EIF4E3: variants seen among roughly 807,000 people sequenced by gnomAD.
The protein encoded by EIF4E3 is eukaryotic translation initiation factor 4E family member 3.
Under a neutral mutation model 31.7 loss-of-function variants are expected in EIF4E3, and 26 were observed. The observed-to-expected ratio is 0.82, with a 90% CI of 0.60 to 1.14. The LOEUF (loss-of-function observed/expected upper bound fraction) is 1.14. Ranked by LOEUF, EIF4E3 falls within the 50% of genes most tolerant of loss-of-function variation. EIF4E3 has a pLI of 0.00. For synonymous variants in EIF4E3, 128 were observed against 107.7 expected (o/e 1.19, Z -1.17); for missense variants, 304 against 270.9 (o/e 1.12, Z -0.86).
intron 4 of EIF4E3, among the ~76,000 whole-genome samples, chr3:71,696,118 G>A (rs915790018): frequency 3.3e-5 from 5 of 152,176 alleles, no homozygotes; most frequent in Admixed American, 6.5e-5. Context: ...TCCTGCTTCC[G>A]ACTTTGTAAA....
chr3:71,689,635 G>A (rs963415751), intron 6 of EIF4E3, among the ~76,000 whole-genome samples: 1 of 152,126 alleles, frequency 6.6e-6, no homozygotes, highest in African/African-American at 2.4e-5. Flanking sequence ...TCCTGTTTAT[G>A]AAGGGATGAT....
intron 1 of EIF4E3, among the ~76,000 whole-genome samples, chr3:71,714,323 A>AC (rs1553664755): frequency 3.3e-5 from 5 of 150,684 alleles, no homozygotes; most frequent in African/African-American, 1.2e-4. Flanking sequence ...AGGAAAGGAA[A>AC]GAAAGAAAGA....
chr3:71,714,142 G>A (rs1156403374), intron 1 of EIF4E3, among the ~76,000 whole-genome samples: 1 of 151,960 alleles, frequency 6.6e-6, no homozygotes, highest in African/African-American at 2.4e-5. Context: ...AACCTGGGAG[G>A]CGGAGGTTGC....
At chr3:71,689,938 G>T in intron 6 of EIF4E3, 72 bp downstream of exon 6, 1 of 1,338,616 alleles carries the variant, frequency 7.5e-7, no homozygotes, top group Non-Finnish European at 9.7e-7. Context: ...CACCACATTT[G>T]CAAAACAGTT....
At chr3:71,704,479 G>C (rs937569683) in intron 2 of EIF4E3, among the ~76,000 whole-genome samples, 3 of 152,216 alleles carry the variant, frequency 2.0e-5, no homozygotes, top group Non-Finnish European at 4.4e-5. Context: ...TTCTGGCCGG[G>C]AGGGCCTGCC....
chr3:71,665,381 T>C, the EIF4E3 span, among the ~76,000 whole-genome samples: 1 of 152,202 alleles, frequency 6.6e-6, no homozygotes, highest in Non-Finnish European at 1.5e-5. Flanking sequence ...CACTGACAGG[T>C]TGCACATGGG....
At chr3:71,722,116 G>A (rs545288579) in intron 1 of EIF4E3, among the ~76,000 whole-genome samples, 1 of 151,598 alleles carries the variant, frequency 6.6e-6, no homozygotes, top group South Asian at 2.1e-4. Context: ...GTGGGAGGTG[G>A]TTACAGATGA....
chr3:71,702,365 T>C (rs189939968), intron 2 of EIF4E3, among the ~76,000 whole-genome samples: 5 of 152,154 alleles, frequency 3.3e-5, no homozygotes, highest in Admixed American at 2.0e-4. Flanking sequence ...AAACTTCAAG[T>C]CTCCTCAAAG....
chr3:71,667,025 T>C, the EIF4E3 span, among the ~76,000 whole-genome samples: 1 of 152,156 alleles, frequency 6.6e-6, no homozygotes, highest in Non-Finnish European at 1.5e-5. Context: ...GCAAACCGAA[T>C]GCAGCAGCAC....
In EIF4E3 at chr3:71,681,697, T is replaced by C. The variant is rs768431761; in HGVS notation, c.*2985A>G. 5 of 152,206 alleles carry C rather than the reference T, an allele frequency of 3.3e-5. No homozygotes were observed. Among genetic ancestry groups the C allele is most frequent in the Non-Finnish European group, 7.3e-5 (5 of 68,040 alleles). The allele number at this position is 152,206 out of a possible 1,614,324, so 9.4% of individuals were successfully genotyped here. On this transcript the variant is annotated 3_prime_UTR_variant, in exon 7 of 7. Coordinates refer to ENST00000425534, the MANE Select transcript of EIF4E3 (RefSeq NM_001134651.2). ...TCTGTGGCTGGCTAGCCCTACGTCTTTAACAAGGGACAAGTTCGGCCAAGG... is the reference window on the plus strand; with the variant it reads ...TCTGTGGCTGGCTAGCCCTACGTCTCTAACAAGGGACAAGTTCGGCCAAGG...
downstream of EIF4E3, among the ~76,000 whole-genome samples, chr3:71,673,424 A>C (rs532332746): frequency 6.6e-6 from 1 of 152,302 alleles, no homozygotes; most frequent in African/African-American, 2.4e-5. Flanking sequence ...AGCACCAACA[A>C]ATTATAAACA....
intron 4 of EIF4E3, 113 bp downstream of exon 4, chr3:71,696,347 C>G: frequency 9.1e-7 from 1 of 1,103,838 alleles, no homozygotes. Flanking sequence ...CACCCCCAGC[C>G]TGTTTGGGGA....
chr3:71,686,904 T>C lies in EIF4E3; in HGVS notation c.629-2176A>G, dbSNP rs564902649. Among the ~76,000 whole-genome samples, 74 of 152,288 alleles carry C rather than the reference T, an allele frequency of 4.9e-4. 1 individual carries two copies. Among genetic ancestry groups the C allele is most frequent in the African/African-American group, 1.8e-3 (73 of 41,570 alleles). The stretch of plus-strand genomic sequence containing the variant: ...CCTTGGGTAGAAAGGGATTATAGAA[T>C]TGCTCTAAGCCTGGAGTTGGCAAAC... On this transcript the variant is annotated intron_variant, in intron 6 of 6. Transcript: ENST00000425534.
upstream of EIF4E3, among the ~76,000 whole-genome samples, chr3:71,730,207 C>T (rs1377936536): frequency 2.0e-5 from 3 of 152,098 alleles, no homozygotes; most frequent in African/African-American, 7.2e-5. Context: ...GGGGAGGCTG[C>T]GGTGTGGTTC....
intron 1 of EIF4E3, among the ~76,000 whole-genome samples, chr3:71,746,093 A>C (rs1454859344): frequency 6.6e-6 from 1 of 152,148 alleles, no homozygotes; most frequent in African/African-American, 2.4e-5. Flanking sequence ...ATTTTCTTTC[A>C]ATTATATATT....
chr3:71,726,017 G>A (rs913747201), upstream of EIF4E3, among the ~76,000 whole-genome samples: 4 of 152,136 alleles, frequency 2.6e-5, no homozygotes, highest in Non-Finnish European at 5.9e-5. Flanking sequence ...CAGAACAAAG[G>A]GCGAGAAAGA....
downstream of EIF4E3, among the ~76,000 whole-genome samples, chr3:71,672,194 G>A (rs1227645278): frequency 6.6e-6 from 1 of 151,976 alleles, no homozygotes; most frequent in Admixed American, 6.6e-5. Context: ...TTAACCAAAC[G>A]TGGGCTCTCT....
At chr3:71,726,476 C>G (rs921271614), upstream of EIF4E3, among the ~76,000 whole-genome samples, 1 of 152,220 alleles carries the variant, frequency 6.6e-6, no homozygotes, top group African/African-American at 2.4e-5. Context: ...ATGTCACAAC[C>G]AGCATGGACA....
At chr3:71,689,886 G>A (rs755357828) in intron 6 of EIF4E3, 124 bp downstream of exon 6, 12 of 922,646 alleles carry the variant, frequency 1.3e-5, no homozygotes, top group Non-Finnish European at 1.6e-5. Context: ...GTATTTTGTT[G>A]AATTATTTTC....
Sources: allele counts gnomAD v4.1 joint callset (sites outside exome capture counted in the v4.1 genomes callset), GRCh38; gene constraint gnomAD v4.1.1; transcripts MANE v1.5; gene names NCBI Gene and HGNC (gene_info 2026-07-23, HGNC 2026-07-21).